The following RHOU variants were observed in gnomAD, a reference collection of about 807,000 sequenced individuals.
The protein encoded by RHOU is ras homolog family member U.
Under a neutral mutation model 12.6 loss-of-function variants are expected in RHOU, and 8 were observed. The ratio of observed to expected loss-of-function variants is 0.64; its 90% confidence interval spans 0.37 to 1.15. The LOEUF (loss-of-function observed/expected upper bound fraction) is 1.15. Among genes scored for constraint, RHOU ranks in the 50% most tolerant of loss-of-function variants. RHOU has a pLI of 0.01. For missense variants in RHOU, 258 were observed against 347.0 expected (o/e 0.74, Z 2.04); for synonymous variants, 161 against 147.4 (o/e 1.09, Z -0.67).
At chr1:228,704,345 T>TA in the RHOU span, among the ~76,000 whole-genome samples, 1 of 152,178 alleles carries the variant, frequency 6.6e-6, no homozygotes, top group African/African-American at 2.4e-5. Context: ...CTTGGCAAAA[T>TA]AAACTCTCTA....
chr1:228,648,492 G>A, the RHOU span, among the ~76,000 whole-genome samples: 325 of 152,310 alleles, frequency 2.1e-3, no homozygotes, highest in Middle Eastern at 6.8e-3. Context: ...CTTTTGCCTT[G>A]CGGCGGGGGG....
rs762915852 is a variant in RHOU, at chr1:228,735,977, A to C, written c.235A>C (p.Ile79Leu). 3.2e-6 allele frequency: 5 copies of C among 1,581,052 alleles called. No homozygotes were observed. The highest frequency in any genetic ancestry group is 1.7e-4 in the Middle Eastern group (1 of 5,986). Reference sequence around the variant, plus strand: ...CACCAACGGCTACCCCACCGAGTACATCCCTACTGCCTTCGACAACTTCTC... The same window carrying C: ...CACCAACGGCTACCCCACCGAGTACCTCCCTACTGCCTTCGACAACTTCTC... ...YTTNGYPTEYIPTAFDNFSAV... is the reference protein window; with the variant it reads ...YTTNGYPTEYLPTAFDNFSAV... The change falls in exon 1 of 3, where the codon ATC (isoleucine) becomes CTC (leucine). Residue 79 changes from isoleucine (I) to leucine (L), a missense_variant. By Grantham distance (5) the Ile-to-Leu change is conservative. Coordinates refer to ENST00000366691, the MANE Select transcript of RHOU (RefSeq NM_021205.6). This position sits in a 1 kb window ranked among gnomAD's most constrained non-coding sequence, Gnocchi z 8.1.
chr1:228,666,551 A>G, the RHOU span, among the ~76,000 whole-genome samples: 1 of 152,028 alleles, frequency 6.6e-6, no homozygotes, highest in Non-Finnish European at 1.5e-5. Context: ...GTTTTTTTGT[A>G]TCCTTTAACA....
chr1:228,677,490 T>C, the RHOU span, among the ~76,000 whole-genome samples: 1 of 151,578 alleles, frequency 6.6e-6, no homozygotes, highest in South Asian at 2.1e-4. Context: ...CATTTACAAA[T>C]ATACAGTCCC....
At chr1:228,693,707 C>T in the RHOU span, among the ~76,000 whole-genome samples, 5 of 152,270 alleles carry the variant, frequency 3.3e-5, no homozygotes, top group South Asian at 1.0e-3. Context: ...ACCTCATGAT[C>T]GGCCCTCCTT....
At chr1:228,658,682 C>CAGAAA in the RHOU span, among the ~76,000 whole-genome samples, 1 of 152,176 alleles carries the variant, frequency 6.6e-6, no homozygotes, top group Non-Finnish European at 1.5e-5. Context: ...CAAGAGAAAT[C>CAGAAA]AGAAAATACA....
the RHOU span, among the ~76,000 whole-genome samples, chr1:228,710,340 G>A: frequency 5.9e-5 from 9 of 151,798 alleles, no homozygotes; most frequent in East Asian, 1.9e-4. Flanking sequence ...TACCAAAGCC[G>A]GGCAGAGACA....
the RHOU span, among the ~76,000 whole-genome samples, chr1:228,686,858 A>G: frequency 6.6e-6 from 1 of 152,046 alleles, no homozygotes; most frequent in East Asian, 1.9e-4. Flanking sequence ...CTCCTGCCTC[A>G]GCCTCCCAAT....
At chr1:228,692,169 T>C in the RHOU span, among the ~76,000 whole-genome samples, 1 of 152,228 alleles carries the variant, frequency 6.6e-6, no homozygotes. Flanking sequence ...ATTCAGATCC[T>C]GGTGTCAGGT....
the RHOU span, among the ~76,000 whole-genome samples, chr1:228,676,054 T>C: frequency 1.3e-5 from 2 of 152,150 alleles, no homozygotes; most frequent in African/African-American, 2.4e-5. Context: ...TTTCAGTTAG[T>C]CTAGAGCCCA....
the RHOU span, chr1:228,647,853 G>C: frequency 6.6e-6 from 1 of 152,312 alleles, no homozygotes; most frequent in Non-Finnish European, 1.5e-5. Context: ...CAGATTTACG[G>C]TGCGGTTGAG....
the RHOU span, among the ~76,000 whole-genome samples, chr1:228,666,517 A>G: frequency 8.5e-5 from 13 of 152,328 alleles, no homozygotes; most frequent in Admixed American, 7.8e-4. Context: ...ATAGAACACT[A>G]GAACTAATTC....
chr1:228,686,649 T>C, the RHOU span, among the ~76,000 whole-genome samples: 2 of 152,208 alleles, frequency 1.3e-5, no homozygotes, highest in African/African-American at 4.8e-5. Context: ...TGAAAAGCAA[T>C]GGCTTTTTAA....
At chr1:228,692,147 A>G in the RHOU span, among the ~76,000 whole-genome samples, 1 of 152,234 alleles carries the variant, frequency 6.6e-6, no homozygotes, top group Non-Finnish European at 1.5e-5. Flanking sequence ...GGTGGTGCCC[A>G]AGATATTTTA....
chr1:228,734,912 A>G (rs941341341), upstream of RHOU, among the ~76,000 whole-genome samples: 1 of 152,216 alleles, frequency 6.6e-6, no homozygotes, highest in African/African-American at 2.4e-5. Flanking sequence ...TCAAAGGAGC[A>G]TTCACAATGG....
chr1:228,647,563 C>T, the RHOU span, among the ~76,000 whole-genome samples: 2 of 152,180 alleles, frequency 1.3e-5, no homozygotes, highest in Non-Finnish European at 1.5e-5. Flanking sequence ...ACCCGCTGCC[C>T]CTGCCCGCCC....
At chr1:228,647,023 AC>A in the RHOU span, among the ~76,000 whole-genome samples, 29,478 of 151,996 alleles carry the variant, frequency 0.19, 3,132 homozygotes, top group East Asian at 0.34. Flanking sequence ...CCAGGGGGAA[AC>A]CCAGAAGAGT....
the RHOU span, among the ~76,000 whole-genome samples, chr1:228,704,292 A>G: frequency 1.3e-5 from 2 of 152,132 alleles, no homozygotes; most frequent in African/African-American, 4.8e-5. Flanking sequence ...CCTTGGGCAC[A>G]TGTCAGGAAC....
the RHOU span, among the ~76,000 whole-genome samples, chr1:228,675,644 T>G: frequency 6.6e-6 from 1 of 152,260 alleles, no homozygotes; most frequent in African/African-American, 2.4e-5. Context: ...ATTTGATGTT[T>G]TTAAAAGGCT....
Sources: allele counts gnomAD v4.1 joint callset (sites outside exome capture counted in the v4.1 genomes callset), GRCh38; gene constraint gnomAD v4.1.1; non-coding constraint Gnocchi (gnomAD v3.1); transcripts MANE v1.5; gene names NCBI Gene and HGNC (gene_info 2026-07-23, HGNC 2026-07-21).